PFKFB3: variants seen among roughly 807,000 people sequenced by gnomAD.
PFKFB3 encodes the protein 6-phosphofructo-2-kinase/fructose-2,6-bisphosphatase 3.
A neutral mutation model predicts 68.0 loss-of-function variants in PFKFB3; 33 were observed. The ratio of observed to expected loss-of-function variants is 0.49; its 90% confidence interval spans 0.37 to 0.65. The LOEUF (loss-of-function observed/expected upper bound fraction) is 0.65. PFKFB3 is among the 30% of genes least tolerant of loss of function. The probability of loss-of-function intolerance (pLI) is 0.00; values close to 1 mark genes in which losing one functional copy is unlikely to be tolerated. For missense variants in PFKFB3, 586 were observed against 712.2 expected (o/e 0.82, Z 2.02); for synonymous variants, 315 against 288.2 (o/e 1.09, Z -0.94).
At chr10:6,204,268 G>A (rs552460388) in intron 1 of PFKFB3, among the ~76,000 whole-genome samples, 4 of 152,384 alleles carry the variant, frequency 2.6e-5, no homozygotes, top group African/African-American at 9.6e-5. Flanking sequence ...GCTCCCATGG[G>A]CTGGACAGGG....
In PFKFB3 at chr10:6,250,893, G is replaced by T. The variant is rs1056541096; in HGVS notation, c.1516-3285G>T. On this transcript the variant is annotated intron_variant, in intron 14 of 14. Transcript: ENST00000640683. ...ACTACAACCTGTCTTAGTCAGGATG[G>T]TATGAGTGGGTTGAACTACGCCAGC... Among the ~76,000 whole-genome samples the T allele has an allele frequency of 2.6e-5, 4 of 152,202 alleles. No individual in the cohort carries two copies. In the South Asian group the frequency reaches 6.2e-4, roughly 24 times the overall value.
the PFKFB3 span, among the ~76,000 whole-genome samples, chr10:6,319,168 C>T: frequency 6.6e-6 from 1 of 152,094 alleles, no homozygotes; most frequent in African/African-American, 2.4e-5. Flanking sequence ...CAGTATCCAC[C>T]CAAAAGAAAA....
chr10:6,255,979 A>G (rs1846489867), downstream of PFKFB3, among the ~76,000 whole-genome samples: 1 of 152,176 alleles, frequency 6.6e-6, no homozygotes. Context: ...CGCGTGCTTC[A>G]GCGGGAAGAG....
At position 6,233,140 on chromosome 10, in the gene PFKFB3, T is replaced by G; in HGVS notation, c.*198T>G. On this transcript the variant is annotated 3_prime_UTR_variant, in exon 15 of 15. Coordinates refer to ENST00000379775, the MANE Select transcript of PFKFB3 (RefSeq NM_004566.4). ...GCTGGACACCAGAAAGCCACGTGGG[T>G]CCCTGGCGCCCTGCCTTTAGCCGTG... 1 of 561,422 alleles carries G rather than the reference T, an allele frequency of 1.8e-6. No individual in the cohort carries two copies. Among genetic ancestry groups the G allele is most frequent in the Non-Finnish European group, 3.2e-6 (1 of 312,792 alleles). 34.8% of individuals were successfully genotyped at this position (561,422 alleles called of 1,614,324 possible).
chr10:6,319,211 C>G, the PFKFB3 span, among the ~76,000 whole-genome samples: 5 of 152,188 alleles, frequency 3.3e-5, no homozygotes, highest in African/African-American at 1.2e-4. Flanking sequence ...ACCTGCACTC[C>G]TATGTTCATT....
At chr10:6,267,954 CAAAAAAAAAA>C in the PFKFB3 span, among the ~76,000 whole-genome samples, 40 of 85,914 alleles carry the variant, frequency 4.7e-4, no homozygotes, top group African/African-American at 1.6e-3. Context: ...GACCCTATCT[CAAAAAAAAAA>C]AAAAAAAAAA....
At chr10:6,183,788 C>A (rs985614199) in intron 1 of PFKFB3, among the ~76,000 whole-genome samples, 1 of 148,372 alleles carries the variant, frequency 6.7e-6, no homozygotes, top group Admixed American at 6.7e-5. Context: ...CCCGGGTTCA[C>A]GCCATTCTCC....
intron 1 of PFKFB3, among the ~76,000 whole-genome samples, chr10:6,164,922 G>A (rs1034770104): frequency 1.3e-5 from 2 of 152,090 alleles, no homozygotes; most frequent in Non-Finnish European, 2.9e-5. Context: ...GAATGGGATT[G>A]GTCTGCTTTA....
chr10:6,267,845 C>T, the PFKFB3 span, among the ~76,000 whole-genome samples: 3 of 148,194 alleles, frequency 2.0e-5, no homozygotes, highest in African/African-American at 7.4e-5. Flanking sequence ...GTCCCAGCTA[C>T]TCGGGAGGCT....
chr10:6,231,518 A>G, intron 14 of PFKFB3: 7 of 985,336 alleles, frequency 7.1e-6, no homozygotes, highest in Non-Finnish European at 8.4e-6. Flanking sequence ...AAGGACGTGG[A>G]CATCACCCGG....
intron 10 of PFKFB3, among the ~76,000 whole-genome samples, chr10:6,222,127 C>T (rs935541973): frequency 3.9e-5 from 6 of 152,024 alleles, no homozygotes; most frequent in East Asian, 1.9e-4. Flanking sequence ...CCTCCTCTGC[C>T]GATGGGATCC....
intron 1 of PFKFB3, among the ~76,000 whole-genome samples, chr10:6,145,860 G>A (rs930536765): frequency 5.3e-5 from 8 of 152,196 alleles, no homozygotes; most frequent in Non-Finnish European, 8.8e-5. Flanking sequence ...GCACCGGGGG[G>A]TCCCAGCGCA....
the PFKFB3 span, chr10:6,293,228 G>A: frequency 0.012 from 5,641 of 464,510 alleles, 266 homozygotes; most frequent in African/African-American, 0.1. Flanking sequence ...CAGTATGTCT[G>A]CAATTTGAGA....
In PFKFB3 at chr10:6,203,275, G is replaced by A; in HGVS notation, c.15G>A (p.Leu5=). 1 of 1,610,650 alleles carries A rather than the reference G, an allele frequency of 6.2e-7. No individual in the cohort carries two copies. The highest frequency in any genetic ancestry group is 1.3e-5 in the African/African-American group (1 of 74,640). The change falls in exon 1 of 15, where the codon CTG becomes CTA. Residue 5 remains leucine, a synonymous_variant. Transcript: ENST00000379775. The part of the protein sequence containing the change: MPLE[L]TQSRVQKIWV... ...CAGCCGCGAAGATGCCGTTGGAACTGACGCAGAGCCGAGTGCAGAAGATCT... is the reference window on the plus strand; with the variant it reads ...CAGCCGCGAAGATGCCGTTGGAACTAACGCAGAGCCGAGTGCAGAAGATCT...
At chr10:6,295,633 C>G in the PFKFB3 span, among the ~76,000 whole-genome samples, 2 of 151,874 alleles carry the variant, frequency 1.3e-5, no homozygotes, top group African/African-American at 2.4e-5. Context: ...CTGATCAAGT[C>G]TTAGTCTTTT....
the PFKFB3 span, among the ~76,000 whole-genome samples, chr10:6,274,269 CA>C: frequency 1.2e-4 from 18 of 152,014 alleles, no homozygotes; most frequent in African/African-American, 1.7e-4. Context: ...GCGACATCCT[CA>C]GCACACTAAT....
At chr10:6,271,319 C>T in the PFKFB3 span, among the ~76,000 whole-genome samples, 9 of 152,192 alleles carry the variant, frequency 5.9e-5, no homozygotes, top group African/African-American at 1.4e-4. Context: ...TTTCCTGGTG[C>T]GTGTGTGATG....
chr10:6,167,169 G>A (rs558463951), intron 1 of PFKFB3, among the ~76,000 whole-genome samples: 8 of 152,318 alleles, frequency 5.3e-5, no homozygotes, highest in African/African-American at 1.9e-4. Flanking sequence ...TCCACCCCAT[G>A]TGCCTAGACA....
chr10:6,271,915 G>A, the PFKFB3 span, among the ~76,000 whole-genome samples: 20 of 152,336 alleles, frequency 1.3e-4, no homozygotes, highest in Non-Finnish European at 2.1e-4. Flanking sequence ...TAGGCTATCA[G>A]AGGGTGGGTG....
Sources: allele counts gnomAD v4.1 joint callset (sites outside exome capture counted in the v4.1 genomes callset), GRCh38; gene constraint gnomAD v4.1.1; transcripts MANE v1.5; gene names NCBI Gene and HGNC (gene_info 2026-07-23, HGNC 2026-07-21).